DLG2: variants seen among roughly 807,000 people sequenced by gnomAD.
The protein encoded by DLG2 is discs large MAGUK scaffold protein 2.
A neutral mutation model predicts 132.5 loss-of-function variants in DLG2; 45 were observed. The ratio of observed to expected loss-of-function variants is 0.34; its 90% CI spans 0.27 to 0.44. The LOEUF is 0.44. DLG2 is among the 20% of genes least tolerant of loss of function. The probability of loss-of-function intolerance (pLI) is 1.00; values close to 1 mark genes in which losing one functional copy is unlikely to be tolerated. For missense variants in DLG2, 1,045 were observed against 1,196.9 expected, an observed-to-expected ratio of 0.87 and a Z score of 1.87; for synonymous variants, 424 against 419.6, an observed-to-expected ratio of 1.01 and a Z score of -0.13.
At chr11:84,165,342 G>T (rs547205019) in intron 8 of DLG2, among the ~76,000 whole-genome samples, 2 of 152,302 alleles carry the variant, frequency 1.3e-5, no homozygotes, top group African/African-American at 4.8e-5. Flanking sequence ...ACACTGCATA[G>T]TTGTGGCCTA....
intron 7 of DLG2, among the ~76,000 whole-genome samples, chr11:84,307,957 T>G (rs913654653): frequency 6.6e-6 from 1 of 152,126 alleles, no homozygotes; most frequent in African/African-American, 2.4e-5. Flanking sequence ...GGAGTGAAGT[T>G]GCAGACTTCT....
intron 3 of DLG2, among the ~76,000 whole-genome samples, chr11:85,408,651 G>A (rs953373573): frequency 1.3e-5 from 2 of 149,682 alleles, no homozygotes; most frequent in Non-Finnish European, 3.0e-5. Flanking sequence ...GCGGTGTTTG[G>A]TTTTTTGTTC....
At chr11:85,589,869 T>C (rs558480159) in intron 3 of DLG2, among the ~76,000 whole-genome samples, 1 of 152,168 alleles carries the variant, frequency 6.6e-6, no homozygotes, top group East Asian at 1.9e-4. Context: ...AGTTCCTGCT[T>C]GCCCCCACAT....
Position 84,714,603 on chromosome 11 carries a change from CTTTCTCTT to C in DLG2, c.358-179880_358-179873del, listed in dbSNP as rs1565749910. ...TCTCTTTCTCTTTCTCTTTCTTTCT[CTTTCTCTT>C]TCTCTTTCTCTTTCTCTCTCTCTCT... On this transcript the variant is annotated intron_variant, in intron 6 of 27. Transcript: ENST00000376104. 6.7e-4 allele frequency among the ~76,000 whole-genome samples: 84 copies of C among 125,458 alleles called. 1 individual carries two copies. Among genetic ancestry groups the C allele is most frequent in the African/African-American group, 2.4e-3 (60 of 25,358 alleles). The allele number at this position is 125,458 out of a possible 152,430, so 82.3% of individuals were successfully genotyped here.
At chr11:84,039,769 G>C (rs1029216463) in intron 11 of DLG2, among the ~76,000 whole-genome samples, 8 of 115,922 alleles carry the variant, frequency 6.9e-5, no homozygotes, top group African/African-American at 2.2e-4. Flanking sequence ...GGTATTTCTA[G>C]TTCTAGATCC....
chr11:85,619,428 G>A, intron 2 of DLG2, among the ~76,000 whole-genome samples: 1 of 151,958 alleles, frequency 6.6e-6, no homozygotes, highest in Non-Finnish European at 1.5e-5. Flanking sequence ...AAATGCAAAA[G>A]TTTGAAAACT....
chr11:85,274,761 T>G (rs751789862), intron 4 of DLG2, among the ~76,000 whole-genome samples: 3 of 152,200 alleles, frequency 2.0e-5, no homozygotes, highest in Non-Finnish European at 4.4e-5. Context: ...TACCACTGTT[T>G]GTAAATAAAT....
At chr11:83,766,418 T>C (rs1027848363) in intron 18 of DLG2, among the ~76,000 whole-genome samples, 1 of 149,770 alleles carries the variant, frequency 6.7e-6, no homozygotes, top group Non-Finnish European at 1.5e-5. Flanking sequence ...TTTTTTATAA[T>C]GAGTTATGAG....
At chr11:85,581,039 G>A (rs2078480536) in intron 3 of DLG2, among the ~76,000 whole-genome samples, 1 of 152,076 alleles carries the variant, frequency 6.6e-6, no homozygotes, top group Non-Finnish European at 1.5e-5. Context: ...GCACCAGCAG[G>A]AAATCAGGGA....
chr11:84,823,663 C>T (rs896324342), intron 6 of DLG2, among the ~76,000 whole-genome samples: 1 of 149,466 alleles, frequency 6.7e-6, no homozygotes, highest in African/African-American at 2.5e-5. Flanking sequence ...TTATTTTCTC[C>T]ATAGCACATA....
intron 14 of DLG2, among the ~76,000 whole-genome samples, chr11:83,950,039 G>C (rs530996137): frequency 5.5e-4 from 84 of 152,100 alleles, no homozygotes; most frequent in Admixed American, 2.0e-3. Context: ...TTTATCGCTT[G>C]TAGCTTCCAT....
intron 2 of DLG2, among the ~76,000 whole-genome samples, chr11:85,625,630 T>C (rs1184708202): frequency 1.3e-5 from 2 of 152,170 alleles, no homozygotes; most frequent in African/African-American, 2.4e-5. Context: ...AGAGATAAGT[T>C]CCACTTTAAC....
chr11:85,235,353 T>C (rs925460627), intron 4 of DLG2, among the ~76,000 whole-genome samples: 2 of 151,956 alleles, frequency 1.3e-5, no homozygotes, highest in African/African-American at 4.8e-5. Flanking sequence ...GCCTATGTCC[T>C]TTCATCCATC....
chr11:83,865,118 C>T (rs1050018648), intron 16 of DLG2, among the ~76,000 whole-genome samples: 5 of 152,264 alleles, frequency 3.3e-5, no homozygotes, highest in African/African-American at 7.2e-5. Flanking sequence ...TTTGTCTAGA[C>T]TTATTTTCAT....
At chr11:84,186,683 A>G (rs1466194366) in intron 8 of DLG2, among the ~76,000 whole-genome samples, 1 of 151,934 alleles carries the variant, frequency 6.6e-6, no homozygotes, top group East Asian at 1.9e-4. Context: ...CCTCCTATCT[A>G]GATTGCCAGT....
chr11:85,391,804 A>C (rs1033568997), intron 3 of DLG2, among the ~76,000 whole-genome samples: 3 of 152,194 alleles, frequency 2.0e-5, no homozygotes, highest in African/African-American at 7.2e-5. Context: ...AATAAAAGCC[A>C]TCTATGACAA....
chr11:84,946,372 C>A (rs1476977192), intron 6 of DLG2, among the ~76,000 whole-genome samples: 1 of 152,130 alleles, frequency 6.6e-6, no homozygotes, highest in East Asian at 1.9e-4. Context: ...GCCCATGACA[C>A]ATCTGGCAAC....
At chr11:83,931,577 T>C (rs937960563) in intron 14 of DLG2, among the ~76,000 whole-genome samples, 6 of 152,218 alleles carry the variant, frequency 3.9e-5, no homozygotes, top group Admixed American at 6.5e-5. Flanking sequence ...CCTGGTTATA[T>C]TGTATTTAAC....
At chr11:85,461,282 G>A (rs1183356809) in intron 3 of DLG2, among the ~76,000 whole-genome samples, 1 of 152,136 alleles carries the variant, frequency 6.6e-6, no homozygotes, top group South Asian at 2.1e-4. Flanking sequence ...TACTCCATTT[G>A]AATGTGTCAG....
Sources: gnomAD v4.1 joint callset for allele counts (sites outside exome capture counted in the v4.1 genomes callset) on GRCh38, gnomAD v4.1.1 for gene constraint, MANE v1.5 for transcripts, NCBI Gene and HGNC (gene_info 2026-07-23, HGNC 2026-07-21) for gene names.